The following GKAP1 variants were observed in gnomAD, a reference collection of about 807,000 sequenced individuals.
The protein encoded by GKAP1 is G kinase-anchoring protein 1.
GKAP1 carries 31 observed loss-of-function variants against 56.7 expected under a neutral mutation model. That is an observed-to-expected ratio of 0.55 (90% CI 0.41 to 0.74). The LOEUF is 0.74. Among genes scored for constraint, GKAP1 ranks in the 30% least tolerant of loss-of-function variants. The pLI, the probability that GKAP1 is intolerant of heterozygous loss-of-function variation, is 0.00. For missense variants in GKAP1, 364 were observed against 402.3 expected, an observed-to-expected ratio of 0.90 and a Z score of 0.82; for synonymous variants, 151 against 138.6, an observed-to-expected ratio of 1.09 and a Z score of -0.63.
At chr9:83,803,836 C>T (rs953557170) in intron 3 of GKAP1, among the ~76,000 whole-genome samples, 4 of 151,232 alleles carry the variant, frequency 2.6e-5, no homozygotes, top group Non-Finnish European at 5.9e-5. Context: ...GCCATCCCAT[C>T]TGGGAAGTGA....
intron 4 of GKAP1, among the ~76,000 whole-genome samples, chr9:83,791,583 ACAAATCTTC>A (rs1944161133): frequency 6.6e-6 from 1 of 152,228 alleles, no homozygotes; most frequent in East Asian, 1.9e-4. Context: ...GAAAACTAGA[ACAAATCTTC>A]CAAAAATTTC....
intron 4 of GKAP1, among the ~76,000 whole-genome samples, chr9:83,789,497 G>A (rs983222024): frequency 6.6e-6 from 1 of 152,176 alleles, no homozygotes; most frequent in African/African-American, 2.4e-5. Flanking sequence ...ACATGTATGT[G>A]TCTATGTGTA....
chr9:83,788,680 T>TA lies in GKAP1; in HGVS notation c.361-3dup. 2 of 1,597,674 alleles carry TA rather than the reference T, an allele frequency of 1.3e-6. No individual in the cohort carries two copies. The highest frequency in any genetic ancestry group is 1.1e-5 in the South Asian group (1 of 89,274). On this transcript the variant is annotated splice_region_variant and splice_polypyrimidine_tract_variant and intron_variant, in intron 4 of 12. Coordinates refer to ENST00000376371, the MANE Select transcript of GKAP1 (RefSeq NM_025211.4). ...TGCTTCAAACATTTCAGATGTCAGCTACAAAAAAAAAGTTTCACAATAAAC... is the reference window on the plus strand; with the variant it reads ...TGCTTCAAACATTTCAGATGTCAGCTAACAAAAAAAAAGTTTCACAATAAAC...
intron 7 of GKAP1, among the ~76,000 whole-genome samples, chr9:83,770,856 G>A (rs1050851757): frequency 1.3e-5 from 2 of 151,950 alleles, no homozygotes; most frequent in East Asian, 1.9e-4. Flanking sequence ...CACTGCGTCC[G>A]GCGTTACATT....
chr9:83,786,822 C>T (rs552627239), intron 5 of GKAP1, among the ~76,000 whole-genome samples: 68 of 152,216 alleles, frequency 4.5e-4, no homozygotes, highest in South Asian at 8.3e-4. Context: ...GCTGGGAGTA[C>T]GACATTTTAT....
At chr9:83,796,221 T>G (rs1394308824) in intron 4 of GKAP1, among the ~76,000 whole-genome samples, 17 of 151,634 alleles carry the variant, frequency 1.1e-4, no homozygotes, top group African/African-American at 4.1e-4. Flanking sequence ...CATGAGCCAC[T>G]GCACTCGGCC....
At chr9:83,781,398 T>C (rs186445479) in intron 6 of GKAP1, among the ~76,000 whole-genome samples, 32 of 152,288 alleles carry the variant, frequency 2.1e-4, no homozygotes, top group African/African-American at 7.7e-4. Context: ...GTATTCTTAT[T>C]TAAAGTAGAT....
chr9:83,765,740 C>CCT (rs956770489), intron 8 of GKAP1, among the ~76,000 whole-genome samples: 1 of 152,144 alleles, frequency 6.6e-6, no homozygotes, highest in Non-Finnish European at 1.5e-5. Context: ...GCCTGTAGCC[C>CCT]CTCTGTTTTG....
At chr9:83,782,519 C>A (rs1202380902) in intron 6 of GKAP1, among the ~76,000 whole-genome samples, 1 of 151,572 alleles carries the variant, frequency 6.6e-6, no homozygotes, top group Non-Finnish European at 1.5e-5. Flanking sequence ...CCACTACGCC[C>A]AGCTAATTTT....
At chr9:83,746,312 C>T (rs1033923186) in intron 10 of GKAP1, among the ~76,000 whole-genome samples, 2 of 152,070 alleles carry the variant, frequency 1.3e-5, no homozygotes, top group African/African-American at 2.4e-5. Context: ...CAGGACATCC[C>T]GAGGACACCA....
At chr9:83,812,272 T>C (rs908494551) in intron 2 of GKAP1, among the ~76,000 whole-genome samples, 6 of 147,976 alleles carry the variant, frequency 4.1e-5, no homozygotes, top group South Asian at 2.1e-4. Context: ...TATATACACA[T>C]ATATATACAC....
chr9:83,757,407 G>A (rs1943495602), intron 8 of GKAP1, among the ~76,000 whole-genome samples: 1 of 152,178 alleles, frequency 6.6e-6, no homozygotes. Flanking sequence ...TGCACACATA[G>A]AAACAAATTT....
At chr9:83,810,465 TTA>T (rs1944492420) in intron 2 of GKAP1, among the ~76,000 whole-genome samples, 1 of 152,262 alleles carries the variant, frequency 6.6e-6, no homozygotes, top group African/African-American at 2.4e-5. Context: ...TAAATTTATA[TTA>T]TGTTTTACTT....
intron 8 of GKAP1, among the ~76,000 whole-genome samples, chr9:83,761,592 C>T (rs992003631): frequency 8.0e-5 from 12 of 150,270 alleles, no homozygotes; most frequent in South Asian, 2.1e-4. Context: ...ATACCAAAAC[C>T]GGACAAAGAA....
At chr9:83,803,302 A>G (rs1291829360) in intron 3 of GKAP1, among the ~76,000 whole-genome samples, 2 of 149,080 alleles carry the variant, frequency 1.3e-5, no homozygotes, top group African/African-American at 4.9e-5. Flanking sequence ...TCTGATGCCG[A>G]GCCGAAGCTG....
chr9:83,800,595 A>G (rs1205150430), intron 3 of GKAP1, among the ~76,000 whole-genome samples: 1 of 152,038 alleles, frequency 6.6e-6, no homozygotes, highest in Admixed American at 6.6e-5. Context: ...TCAGCCTCCC[A>G]AAAGTGTTGG....
Position 83,739,505 on chromosome 9 carries a change from G to C in GKAP1, c.*192C>G, listed in dbSNP as rs2131217942. 1 of 422,096 alleles carries C rather than the reference G, an allele frequency of 2.4e-6. No individual in the cohort carries two copies. The highest frequency in any genetic ancestry group is 3.4e-5 in the East Asian group (1 of 29,618). 26.1% of individuals were successfully genotyped at this position (422,096 alleles called of 1,614,324 possible). On this transcript the variant is annotated 3_prime_UTR_variant, in exon 13 of 13. Transcript: ENST00000376371. ...GGATAGTAGACAACCACTGAATTCT[G>C]CTGGAATTCTCTATTTCTTCTTTTT... is the stretch of plus-strand genomic sequence containing the variant.
chr9:83,797,953 GA>G (rs562812489), intron 4 of GKAP1, among the ~76,000 whole-genome samples: 44 of 151,600 alleles, frequency 2.9e-4, no homozygotes, highest in Non-Finnish European at 1.3e-4. Context: ...TATTTTATAA[GA>G]AAAAAAAGAA....
At chr9:83,772,050 G>A (rs1342659029) in intron 7 of GKAP1, among the ~76,000 whole-genome samples, 1 of 151,668 alleles carries the variant, frequency 6.6e-6, no homozygotes, top group Non-Finnish European at 1.5e-5. Context: ...AACTATAGGG[G>A]GGAGAAAAGC....
Sources: gnomAD v4.1 joint callset for allele counts (sites outside exome capture counted in the v4.1 genomes callset) on GRCh38, gnomAD v4.1.1 for gene constraint, MANE v1.5 for transcripts, NCBI Gene and HGNC (gene_info 2026-07-23, HGNC 2026-07-21) for gene names.